DLG2: variants seen among roughly 807,000 people sequenced by gnomAD.
DLG2 encodes the protein discs large MAGUK scaffold protein 2, also known as disks large homolog 2.
In DLG2, 45 loss-of-function variants were observed where a neutral mutation model predicts 132.5. That is an observed-to-expected ratio of 0.34 (90% CI 0.27 to 0.44). The LOEUF (loss-of-function observed/expected upper bound fraction) is 0.44. Ranked by LOEUF, DLG2 falls within the 20% of genes least tolerant of loss-of-function variation. The pLI is 1.00. For synonymous variants in DLG2, 424 were observed against 419.6 expected (o/e 1.01, Z -0.13); for missense variants, 1,045 against 1,196.9 (o/e 0.87, Z 1.87).
chr11:84,132,244 A>G (rs1484503492), intron 9 of DLG2, among the ~76,000 whole-genome samples: 1 of 152,008 alleles, frequency 6.6e-6, no homozygotes, highest in African/African-American at 2.4e-5. Flanking sequence ...GATTAAAAAA[A>G]TGTTCAGTTT....
chr11:85,148,158 G>A lies in DLG2; in HGVS notation c.282+6398C>T, dbSNP rs2076985668. On this transcript the variant is annotated intron_variant, in intron 5 of 27. Coordinates refer to ENST00000376104, the MANE Select transcript of DLG2 (RefSeq NM_001142699.3). ...TTTCGTTATCCAGTCTGTAATTGAT[G>A]GGCATTTGGGTTGGTTCTATGTCTT... 2.0e-5 allele frequency among the ~76,000 whole-genome samples: 3 copies of A among 152,114 alleles called. No individual in the cohort carries two copies. In the South Asian group the frequency reaches 6.2e-4, roughly 32 times the overall value.
intron 18 of DLG2, among the ~76,000 whole-genome samples, chr11:83,656,497 G>A (rs929760842): frequency 6.6e-6 from 1 of 152,128 alleles, no homozygotes; most frequent in Non-Finnish European, 1.5e-5. Flanking sequence ...TTCCTCCCCA[G>A]TAGAACACTT....
chr11:84,829,710 G>A (rs1340130492), intron 6 of DLG2, among the ~76,000 whole-genome samples: 1 of 151,586 alleles, frequency 6.6e-6, no homozygotes, highest in Non-Finnish European at 1.5e-5. Flanking sequence ...AGATAATGAG[G>A]TGTCTCATGT....
At chr11:85,442,881 A>G (rs1437796154) in intron 3 of DLG2, among the ~76,000 whole-genome samples, 1 of 152,094 alleles carries the variant, frequency 6.6e-6, no homozygotes, top group Non-Finnish European at 1.5e-5. Flanking sequence ...CTTCTCTCAA[A>G]AAAAGGAAGA....
At chr11:85,524,927 G>A (rs752901434) in intron 3 of DLG2, 2 of 150,414 alleles carry the variant, frequency 1.3e-5, no homozygotes, top group African/African-American at 2.4e-5. Context: ...CTGGTATGAT[G>A]GAAATGTTCC....
At chr11:85,355,440 A>T (rs2152889646) in intron 3 of DLG2, among the ~76,000 whole-genome samples, 1 of 152,194 alleles carries the variant, frequency 6.6e-6, no homozygotes, top group African/African-American at 2.4e-5. Context: ...TGTGAATTTA[A>T]TATATTAAAG....
intron 19 of DLG2, among the ~76,000 whole-genome samples, chr11:83,610,475 A>T (rs1199370504): frequency 6.6e-6 from 1 of 152,242 alleles, no homozygotes; most frequent in African/African-American, 2.4e-5. Flanking sequence ...TGATTTGACG[A>T]GAAGTAAACA....
At chr11:84,078,600 G>T (rs1461992333) in intron 10 of DLG2, among the ~76,000 whole-genome samples, 1 of 152,128 alleles carries the variant, frequency 6.6e-6, no homozygotes, top group Admixed American at 6.5e-5. Flanking sequence ...TCATAAAGCT[G>T]CAGGCTTCTT....
chr11:83,731,051 C>T (rs1245968397), intron 18 of DLG2, among the ~76,000 whole-genome samples: 1 of 152,212 alleles, frequency 6.6e-6, no homozygotes, highest in African/African-American at 2.4e-5. Context: ...TTAGTATACT[C>T]ATCGGCATTA....
intron 6 of DLG2, among the ~76,000 whole-genome samples, chr11:84,820,918 T>C (rs1318903408): frequency 6.6e-6 from 1 of 151,846 alleles, no homozygotes; most frequent in African/African-American, 2.4e-5. Flanking sequence ...CATTCTACTT[T>C]GTGTTACCCT....
chr11:85,383,334 C>T (rs1164284313), intron 3 of DLG2, among the ~76,000 whole-genome samples: 2 of 152,008 alleles, frequency 1.3e-5, no homozygotes, highest in East Asian at 1.9e-4. Flanking sequence ...GGAGTAACTA[C>T]TAAGGGGTCT....
intron 7 of DLG2, among the ~76,000 whole-genome samples, chr11:84,498,383 A>G (rs1242431039): frequency 6.6e-6 from 1 of 152,120 alleles, no homozygotes; most frequent in Non-Finnish European, 1.5e-5. Flanking sequence ...AAGCAGATGA[A>G]TAAGTCACAA....
intron 18 of DLG2, among the ~76,000 whole-genome samples, chr11:83,736,582 G>C (rs1418234715): frequency 6.6e-6 from 1 of 152,114 alleles, no homozygotes; most frequent in Admixed American, 6.6e-5. Flanking sequence ...TGACAGCGCT[G>C]GTTAATAAAT....
chr11:83,566,387 CGACT>C (rs1438541626), intron 19 of DLG2, among the ~76,000 whole-genome samples: 2 of 152,094 alleles, frequency 1.3e-5, no homozygotes, highest in African/African-American at 4.8e-5. Context: ...CACACTGGAC[CGACT>C]AAGTCTTTTC....
At chr11:85,266,106 T>C (rs2077195169) in intron 4 of DLG2, among the ~76,000 whole-genome samples, 2 of 152,336 alleles carry the variant, frequency 1.3e-5, no homozygotes, top group East Asian at 3.9e-4. Flanking sequence ...CTGCTGTCCA[T>C]AGACAGTGTA....
intron 4 of DLG2, among the ~76,000 whole-genome samples, chr11:85,176,837 G>C (rs1311095760): frequency 2.6e-5 from 4 of 152,102 alleles, no homozygotes; most frequent in Admixed American, 2.0e-4. Flanking sequence ...CATTCATGCA[G>C]CCAACAAATA....
At chr11:84,570,194 C>A (rs2099476040) in intron 6 of DLG2, among the ~76,000 whole-genome samples, 1 of 152,164 alleles carries the variant, frequency 6.6e-6, no homozygotes, top group South Asian at 2.1e-4. Flanking sequence ...TATTCAGTTA[C>A]TCATAAGACC....
chr11:84,508,319 G>A lies in DLG2; in HGVS notation c.519+26251C>T, dbSNP rs183604564. On this transcript the variant is annotated intron_variant, in intron 7 of 27. Coordinates refer to ENST00000376104, the MANE Select transcript of DLG2 (RefSeq NM_001142699.3). ...TTTTTATTACCTGTTGTCTTTCATT[G>A]GTATATTCTCTCTCCAATATATTGT... Among the ~76,000 whole-genome samples the A allele has an allele frequency of 1.5e-4, 23 of 151,002 alleles. 1 individual carries two copies. The East Asian group carries it at 4.1e-3, about 27-fold the overall frequency.
chr11:85,229,262 C>G (rs2075156656), intron 4 of DLG2, among the ~76,000 whole-genome samples: 1 of 151,716 alleles, frequency 6.6e-6, no homozygotes, highest in Non-Finnish European at 1.5e-5. Context: ...GGGCTAATAT[C>G]CAGAATCTAC....
Sources: gnomAD v4.1 joint callset for allele counts (sites outside exome capture counted in the v4.1 genomes callset) on GRCh38, gnomAD v4.1.1 for gene constraint, MANE v1.5 for transcripts, NCBI Gene and HGNC (gene_info 2026-07-23, HGNC 2026-07-21) for gene names.